The following MGAT4C variants were observed in gnomAD, a reference collection of about 807,000 sequenced individuals.
MGAT4C encodes alpha-1,3-mannosyl-glycoprotein 4-beta-N-acetylglucosaminyltransferase C.
In MGAT4C, 19 loss-of-function variants were observed where a neutral mutation model predicts 40.1. The ratio of observed to expected loss-of-function variants is 0.47; its 90% CI spans 0.33 to 0.70. The LOEUF (loss-of-function observed/expected upper bound fraction) is 0.70, where lower values mean the gene tolerates loss of function less well. Among genes scored for constraint, MGAT4C ranks in the 30% least tolerant of loss-of-function variants. MGAT4C has a pLI of 0.02. For missense variants in MGAT4C, 491 were observed against 563.2 expected (o/e 0.87, Z 1.30); for synonymous variants, 181 against 187.1 (o/e 0.97, Z 0.27).
intron 1 of MGAT4C, among the ~76,000 whole-genome samples, chr12:86,757,683 T>C (rs1042479772): frequency 7.2e-5 from 11 of 152,122 alleles, no homozygotes; most frequent in African/African-American, 2.7e-4. Flanking sequence ...TGCTTAAAAA[T>C]GTAAAGGGTT....
chr12:86,622,176 G>A (rs1962660283), intron 2 of MGAT4C, among the ~76,000 whole-genome samples: 1 of 152,062 alleles, frequency 6.6e-6, no homozygotes, highest in African/African-American at 2.4e-5. Context: ...GGTAAATGGG[G>A]AAGTATCTGT....
chr12:86,126,576 TAACA>T (rs1451280881), intron 1 of MGAT4C, among the ~76,000 whole-genome samples: 1 of 152,224 alleles, frequency 6.6e-6, no homozygotes, highest in Non-Finnish European at 1.5e-5. Flanking sequence ...ATACAAGTTT[TAACA>T]AACAAAAACT....
intron 2 of MGAT4C, among the ~76,000 whole-genome samples, chr12:86,472,413 C>T (rs1189236971): frequency 3.3e-5 from 5 of 152,038 alleles, no homozygotes; most frequent in Admixed American, 1.3e-4. Context: ...TTTGCCTTAC[C>T]TTCACAGTTA....
At chr12:86,761,408 G>A (rs1951403824) in intron 1 of MGAT4C, among the ~76,000 whole-genome samples, 1 of 152,188 alleles carries the variant, frequency 6.6e-6, no homozygotes, top group Non-Finnish European at 1.5e-5. Flanking sequence ...CACAAAAGTA[G>A]TGGAATAATA....
intron 2 of MGAT4C, among the ~76,000 whole-genome samples, chr12:86,601,721 G>A (rs890020825): frequency 7.9e-5 from 12 of 152,156 alleles, no homozygotes; most frequent in Admixed American, 7.2e-4. Flanking sequence ...CCCTTTGCCA[G>A]CGGCCACCCC....
At chr12:86,363,200 G>A (rs56338594) in intron 3 of MGAT4C, among the ~76,000 whole-genome samples, 1,731 of 151,980 alleles carry the variant, frequency 0.011, 26 homozygotes, top group African/African-American at 0.035. Flanking sequence ...CCCAACAGTT[G>A]CAGAATACAT....
At chr12:86,506,237 T>C (rs1958470813) in intron 2 of MGAT4C, among the ~76,000 whole-genome samples, 1 of 152,194 alleles carries the variant, frequency 6.6e-6, no homozygotes. Flanking sequence ...TCTTCCTGTC[T>C]ATAGGAGTCT....
chr12:86,476,611 A>G (rs1331497030), intron 2 of MGAT4C, among the ~76,000 whole-genome samples: 1 of 152,120 alleles, frequency 6.6e-6, no homozygotes, highest in Non-Finnish European at 1.5e-5. Context: ...AAATTTATCA[A>G]AAAGACACAT....
chr12:86,733,497 G>C (rs1002576797), intron 1 of MGAT4C, among the ~76,000 whole-genome samples: 2 of 152,104 alleles, frequency 1.3e-5, no homozygotes, highest in African/African-American at 4.8e-5. Flanking sequence ...GAAAGGGTCT[G>C]TGATTGTGAT....
chr12:86,355,664 C>T lies in MGAT4C; in HGVS notation c.-119-21537G>A, dbSNP rs1347382945. On this transcript the variant is annotated intron_variant, in intron 3 of 7. Coordinates refer to the MGAT4C transcript ENST00000548651. Reference sequence around the variant, plus strand: ...AGACAGATACACATAATGAAAATATCCTTTAAGAATAAAGGTGGAATAAAA... The same window carrying T: ...AGACAGATACACATAATGAAAATATTCTTTAAGAATAAAGGTGGAATAAAA... Among the ~76,000 whole-genome samples, 3 of 151,676 alleles carry T rather than the reference C, an allele frequency of 2.0e-5. No individual in the cohort carries two copies. The East Asian group carries it at 5.8e-4, about 29-fold the overall frequency.
intron 1 of MGAT4C, among the ~76,000 whole-genome samples, chr12:86,807,970 GT>G (rs1432233000): frequency 4.6e-5 from 7 of 151,432 alleles, no homozygotes; most frequent in Non-Finnish European, 5.9e-5. Context: ...CTTTTTAATG[GT>G]TTTTTTTTCT....
At chr12:86,788,167 A>T (rs959108952) in intron 1 of MGAT4C, among the ~76,000 whole-genome samples, 1 of 151,180 alleles carries the variant, frequency 6.6e-6, no homozygotes, top group African/African-American at 2.4e-5. Context: ...ACACATATAT[A>T]TGTATTATAT....
chr12:86,763,998 G>A (rs1281853246), intron 1 of MGAT4C, among the ~76,000 whole-genome samples: 2 of 152,116 alleles, frequency 1.3e-5, no homozygotes, highest in Non-Finnish European at 2.9e-5. Context: ...ACTAGGGAGT[G>A]CCAGACAGTT....
At chr12:86,625,001 T>C (rs1962756931) in intron 2 of MGAT4C, among the ~76,000 whole-genome samples, 1 of 152,044 alleles carries the variant, frequency 6.6e-6, no homozygotes, top group South Asian at 2.1e-4. Flanking sequence ...GACTGGATCA[T>C]GAGGGCGGTT....
intron 3 of MGAT4C, among the ~76,000 whole-genome samples, chr12:86,417,666 C>A (rs1956744027): frequency 6.6e-6 from 1 of 151,878 alleles, no homozygotes; most frequent in African/African-American, 2.4e-5. Context: ...TGTTTACATT[C>A]TTTGAATGAG....
At chr12:86,022,431 C>T (rs1889827891) in intron 2 of MGAT4C, 1 of 152,250 alleles carries the variant, frequency 6.6e-6, no homozygotes, top group Admixed American at 6.6e-5. Flanking sequence ...CATGTTCTGT[C>T]TGTGCCTGGT....
chr12:86,109,145 CTCTT>C (rs971939626), intron 1 of MGAT4C, among the ~76,000 whole-genome samples: 65 of 152,192 alleles, frequency 4.3e-4, no homozygotes, highest in African/African-American at 1.3e-3. Context: ...TTGTCAAATA[CTCTT>C]TCTATCAAAT....
At chr12:86,246,402 T>A (rs1400794424) in intron 1 of MGAT4C, among the ~76,000 whole-genome samples, 1 of 152,036 alleles carries the variant, frequency 6.6e-6, no homozygotes, top group Non-Finnish European at 1.5e-5. Flanking sequence ...CCAGAAGGTT[T>A]CTTTGTTTAT....
chr12:86,669,042 C>T (rs1964185795), intron 2 of MGAT4C, among the ~76,000 whole-genome samples: 1 of 152,128 alleles, frequency 6.6e-6, no homozygotes, highest in African/African-American at 2.4e-5. Context: ...CACTTGCTTG[C>T]CCGGACCAAC....
Sources: allele counts gnomAD v4.1 joint callset (sites outside exome capture counted in the v4.1 genomes callset), GRCh38; gene constraint gnomAD v4.1.1; transcripts MANE v1.5; gene names NCBI Gene and HGNC (gene_info 2026-07-23, HGNC 2026-07-21).